Variants in MYO10 observed in about 807,000 individuals in gnomAD.
The protein encoded by MYO10 is myosin X.
MYO10 carries 133 observed loss-of-function variants against 257.3 expected under a neutral mutation model. That is an observed-to-expected ratio of 0.52 (90% CI 0.45 to 0.60). The LOEUF (loss-of-function observed/expected upper bound fraction) is 0.60, where lower values mean the gene tolerates loss of function less well. Ranked by LOEUF, MYO10 falls within the 20% of genes least tolerant of loss-of-function variation. MYO10 has a pLI of 0.00. For synonymous variants in MYO10, 1,104 were observed against 1,028.6 expected, an observed-to-expected ratio of 1.07 and a Z score of -1.40; for missense variants, 2,399 against 2,635.7, an observed-to-expected ratio of 0.91 and a Z score of 1.97.
intron 2 of MYO10, 67 bp from the exon 3 acceptor site, chr5:16,818,234 C>T: frequency 7.8e-7 from 1 of 1,288,048 alleles, no homozygotes. Context: ...ACAAGTTTCC[C>T]AAACTGACAA....
rs562925114 is a variant in MYO10 at position 16,893,018 on chromosome 5, G to A, written c.22-15311C>T. Reference sequence around the variant, plus strand: ...AGACCATCCTGGCTAACACGGTGAAGCCCCATCTCTACTAAAAATACAAAA... The same window carrying A: ...AGACCATCCTGGCTAACACGGTGAAACCCCATCTCTACTAAAAATACAAAA... On this transcript the variant is annotated intron_variant, in intron 1 of 40. Transcript: ENST00000513610. Among the ~76,000 whole-genome samples the A allele has an allele frequency of 3.6e-3, 553 of 151,702 alleles. 3 individuals carry two copies. Among genetic ancestry groups the A allele is most frequent in the Non-Finnish European group, 5.1e-3 (347 of 67,870 alleles).
chr5:16,741,732 G>A (rs1310773462), intron 19 of MYO10: 2 of 928,632 alleles, frequency 2.2e-6, no homozygotes, highest in Non-Finnish European at 2.6e-6. Context: ...GATCTCTGCA[G>A]TTTTACAATA....
In MYO10 at chr5:16,670,541, C is replaced by T. The variant is rs781778319; in HGVS notation, c.5868G>A (p.Thr1956=). 8.1e-6 allele frequency: 13 copies of T among 1,607,590 alleles called. No individual in the cohort carries two copies. The highest frequency in any genetic ancestry group is 6.7e-5 in the African/African-American group (5 of 74,854). ...LIKEWPGYGS[T]LFDVECKEGG... The stretch of plus-strand genomic sequence containing the variant: ...CAGTTCTCACCTCCACATCAAACAG[C>T]GTCGAGCCATAGCCAGGCCACTCCT... The change falls in exon 39 of 41, where the codon ACG becomes ACA. Residue 1956 remains threonine (T), a synonymous_variant. Coordinates refer to ENST00000513610, the MANE Select transcript of MYO10 (RefSeq NM_012334.3).
Position 16,666,346 on chromosome 5 carries a change from C to G in MYO10, c.*346G>C. 1 of 212,608 alleles carries G rather than the reference C, an allele frequency of 4.7e-6. No homozygotes were observed. Among genetic ancestry groups the G allele is most frequent in the Non-Finnish European group, 9.3e-6 (1 of 107,768 alleles). The allele number at this position is 212,608 out of a possible 1,614,324, so 13.2% of individuals were successfully genotyped here. A position where few individuals can be genotyped will look rare whatever the true frequency, so the allele number is the denominator to read the frequency against. On this transcript the variant is annotated 3_prime_UTR_variant, in exon 41 of 41. Coordinates refer to ENST00000513610, the MANE Select transcript of MYO10 (RefSeq NM_012334.3). ...TCCCCCAGAAGGGGGAAAGGCAGTT[C>G]CCTTCAGTAGCACAGTTACGGTCGA...
At chr5:16,697,489 T>C (rs31578) in intron 26 of MYO10, among the ~76,000 whole-genome samples, 47,012 of 151,876 alleles carry the variant, frequency 0.31, 7,373 homozygotes, top group African/African-American at 0.36. Context: ...ATCACAAGGT[T>C]AGGAGTTCGA....
At chr5:16,933,038 CTT>C (rs749856948) in intron 1 of MYO10, among the ~76,000 whole-genome samples, 24 of 152,320 alleles carry the variant, frequency 1.6e-4, no homozygotes, top group Non-Finnish European at 3.2e-4. Flanking sequence ...GGATTACAGG[CTT>C]GAGCCACCGC....
At chr5:16,768,664 CTTT>C (rs34950225) in intron 10 of MYO10, among the ~76,000 whole-genome samples, 76 of 70,164 alleles carry the variant, frequency 1.1e-3, no homozygotes, top group African/African-American at 4.0e-3. Flanking sequence ...TTTCTCTTTT[CTTT>C]TTTTTTTTTT....
chr5:16,720,804 A>G (rs1739126899), intron 19 of MYO10, among the ~76,000 whole-genome samples: 1 of 152,208 alleles, frequency 6.6e-6, no homozygotes, highest in East Asian at 1.9e-4. Flanking sequence ...TAAATGAAAT[A>G]CTTTAAACTT....
At chr5:16,763,629 T>C in intron 13 of MYO10, 26 bp downstream of exon 13, 1 of 1,582,432 alleles carries the variant, frequency 6.3e-7, no homozygotes, top group Non-Finnish European at 8.7e-7. Flanking sequence ...AAAAAAAAAT[T>C]GAAATGGAAT....
At chr5:16,715,104 TA>T (rs879256213) in intron 19 of MYO10, among the ~76,000 whole-genome samples, 6 of 63,626 alleles carry the variant, frequency 9.4e-5, no homozygotes, top group East Asian at 8.0e-4. Context: ...AAAAATAAAT[TA>T]AAAAAAAATT....
chr5:16,891,523 G>C (rs1745060982), intron 1 of MYO10, among the ~76,000 whole-genome samples: 1 of 152,074 alleles, frequency 6.6e-6, no homozygotes, highest in South Asian at 2.1e-4. Flanking sequence ...GTTTTCTGGA[G>C]TAGGAAAATG....
intron 19 of MYO10, among the ~76,000 whole-genome samples, chr5:16,747,913 C>T (rs1214947953): frequency 8.2e-5 from 6 of 72,746 alleles, no homozygotes; most frequent in Admixed American, 2.1e-4. Context: ...AGCGAAACTC[C>T]GTCTCAAAAA....
chr5:16,825,248 T>C lies in MYO10; in HGVS notation c.121-7081A>G, dbSNP rs144870938. ...ATCCTCTCGGAAGACACCAGTGGTCTTGCCCAGAGGCACCCCTGCCACTCT... is the reference window on the plus strand; with the variant it reads ...ATCCTCTCGGAAGACACCAGTGGTCCTGCCCAGAGGCACCCCTGCCACTCT... On this transcript the variant is annotated intron_variant, in intron 2 of 40. Transcript: ENST00000513610. 3.3e-4 allele frequency among the ~76,000 whole-genome samples: 50 copies of C among 152,314 alleles called. No homozygotes were observed. In the Middle Eastern group the frequency reaches 0.01, roughly 31 times the overall value.
intron 2 of MYO10, among the ~76,000 whole-genome samples, chr5:16,855,095 T>C (rs1375804433): frequency 6.6e-6 from 1 of 152,072 alleles, no homozygotes; most frequent in Non-Finnish European, 1.5e-5. Context: ...CTAATGCAAG[T>C]TGTTAACGAA....
chr5:16,688,951 G>T (rs1737370347), intron 28 of MYO10, among the ~76,000 whole-genome samples: 1 of 152,138 alleles, frequency 6.6e-6, no homozygotes, highest in Admixed American at 6.6e-5. Flanking sequence ...CAGCACTCCA[G>T]CATGGAAACC....
intron 2 of MYO10, among the ~76,000 whole-genome samples, chr5:16,823,964 C>T (rs1219438992): frequency 1.3e-5 from 2 of 152,106 alleles, no homozygotes. Flanking sequence ...AAGAAATCCA[C>T]TTGGATAAAA....
chr5:16,924,859 C>T (rs1303570941), intron 1 of MYO10, among the ~76,000 whole-genome samples: 2 of 122,788 alleles, frequency 1.6e-5, no homozygotes, highest in African/African-American at 6.4e-5. Flanking sequence ...GAGACAGAGT[C>T]TCACTTTGTC....
chr5:16,872,478 A>G (rs1744480738), intron 2 of MYO10, among the ~76,000 whole-genome samples: 1 of 152,220 alleles, frequency 6.6e-6, no homozygotes, highest in African/African-American at 2.4e-5. Context: ...ACTTAACCCT[A>G]GTACCCTTAA....
intron 3 of MYO10, among the ~76,000 whole-genome samples, chr5:16,796,033 C>T (rs1413736320): frequency 6.6e-6 from 1 of 151,340 alleles, no homozygotes; most frequent in Non-Finnish European, 1.5e-5. Context: ...ACTAAAAATA[C>T]AAAAAATTAG....
Sources: gnomAD v4.1 joint callset for allele counts (sites outside exome capture counted in the v4.1 genomes callset) on GRCh38, gnomAD v4.1.1 for gene constraint, MANE v1.5 for transcripts, NCBI Gene and HGNC (gene_info 2026-07-23, HGNC 2026-07-21) for gene names.